The following CNBP variants were observed in gnomAD, a reference collection of about 807,000 sequenced individuals.
CNBP encodes the protein cellular nucleic acid-binding protein.
In CNBP, 6 loss-of-function variants were observed where a neutral mutation model predicts 21.2. The observed-to-expected ratio is 0.28, with a 90% CI of 0.16 to 0.56. The LOEUF (loss-of-function observed/expected upper bound fraction) is 0.56, where lower values mean the gene tolerates loss of function less well. Ranked by LOEUF, CNBP falls within the 20% of genes least tolerant of loss-of-function variation. The pLI is 0.93. For synonymous variants in CNBP, 61 were observed against 74.9 expected, an observed-to-expected ratio of 0.81 and a Z score of 0.96; for missense variants, 112 against 233.1, an observed-to-expected ratio of 0.48 and a Z score of 3.38.
intron 1 of CNBP, among the ~76,000 whole-genome samples, chr3:129,180,180 GA>G (rs530545970): frequency 0.014 from 2,082 of 145,034 alleles, 44 homozygotes; most frequent in African/African-American, 0.041. Context: ...TAGTAACTAA[GA>G]AAAAAAAAAG....
At chr3:129,175,359 A>G (rs139917814) in intron 1 of CNBP, among the ~76,000 whole-genome samples, 116 of 152,198 alleles carry the variant, frequency 7.6e-4, no homozygotes, top group Non-Finnish European at 1.0e-3. Context: ...CTATTCTGTA[A>G]AACAGATATG....
In CNBP at chr3:129,167,986, G is replaced by A. The variant is rs1412059142; in HGVS notation, c.*2467C>T. 6.6e-6 allele frequency among the ~76,000 whole-genome samples: 1 copy of A among 152,110 alleles called. No homozygotes were observed. The highest frequency in any genetic ancestry group is 2.4e-5 in the African/African-American group (1 of 41,420). On this transcript the variant is annotated 3_prime_UTR_variant, in exon 5 of 5. Coordinates refer to ENST00000422453, the MANE Select transcript of CNBP (RefSeq NM_003418.5). The stretch of plus-strand genomic sequence containing the variant: ...TCAGGACTATTAATTTGACAAGGTT[G>A]GAATGTGCACAGCACAGCTGAGACA...
At chr3:129,173,216 C>T (rs983450938) in intron 1 of CNBP, among the ~76,000 whole-genome samples, 3 of 152,126 alleles carry the variant, frequency 2.0e-5, no homozygotes, top group Admixed American at 1.3e-4. Context: ...TCAGCATTTA[C>T]ATTGTGTTAG....
At chr3:129,172,616 A>AGGCAGGCAGGCAGGCAGG (rs1560034664) in intron 1 of CNBP, among the ~76,000 whole-genome samples, 1 of 49,434 alleles carries the variant, frequency 2.0e-5, no homozygotes, top group African/African-American at 5.4e-5. Flanking sequence ...AGACAGGCAG[A>AGGCAGGCAGGCAGGCAGG]CAGGCAGCCA....
chr3:129,170,723 A>T (rs1030144230), intron 4 of CNBP, among the ~76,000 whole-genome samples, 153 bp from the exon 5 acceptor site: 1 of 152,252 alleles, frequency 6.6e-6, no homozygotes. Context: ...CATTTATCAA[A>T]TTATACACTT....
Position 129,170,273 on chromosome 3 carries a change from T to G in CNBP, c.*180A>C, listed in dbSNP as rs1576907052. 1.7e-6 allele frequency: 1 copy of G among 605,580 alleles called. No individual in the cohort carries two copies. Among genetic ancestry groups the G allele is most frequent in the Middle Eastern group, 3.8e-4 (1 of 2,650 alleles). 37.5% of individuals were successfully genotyped at this position (605,580 alleles called of 1,614,324 possible). Reference sequence around the variant, plus strand: ...ACCTCTACCAAACTAAACATAAACTTTTTTTGTAGTTAAATGCAGAAAGTC... The same window carrying G: ...ACCTCTACCAAACTAAACATAAACTGTTTTTGTAGTTAAATGCAGAAAGTC... On this transcript the variant is annotated 3_prime_UTR_variant, in exon 5 of 5. Transcript: ENST00000422453.
intron 1 of CNBP, among the ~76,000 whole-genome samples, chr3:129,182,756 T>C (rs890597984): frequency 6.6e-5 from 10 of 152,190 alleles, no homozygotes; most frequent in Admixed American, 5.9e-4. Flanking sequence ...ACTCTTGGAA[T>C]GTGAGCCCCA....
chr3:129,172,695 GACACACACACACACACAC>G (rs1553787467), intron 1 of CNBP, among the ~76,000 whole-genome samples: 1 of 78,814 alleles, frequency 1.3e-5, no homozygotes, highest in Non-Finnish European at 2.6e-5. Context: ...CAGACAGACA[GACACACACACACACACAC>G]ACACACACAC....
intron 1 of CNBP, among the ~76,000 whole-genome samples, chr3:129,172,569 GAGACAGAC>G (rs879382497): frequency 6.8e-6 from 1 of 147,928 alleles, no homozygotes; most frequent in Non-Finnish European, 1.5e-5. Context: ...GGGACAAAGT[GAGACAGAC>G]AGGCAGGCAG....
Position 129,170,260 on chromosome 3 carries a change from C to T in CNBP, c.*193G>A, listed in dbSNP as rs1006580255. The stretch of plus-strand genomic sequence containing the variant: ...CATTATACATAACACCTCTACCAAA[C>T]TAAACATAAACTTTTTTTGTAGTTA... On this transcript the variant is annotated 3_prime_UTR_variant, in exon 5 of 5. Transcript: ENST00000422453. 3.4e-6 allele frequency: 2 copies of T among 591,516 alleles called. No homozygotes were observed. The highest frequency in any genetic ancestry group is 6.0e-6 in the Non-Finnish European group (2 of 330,814). 36.6% of individuals were successfully genotyped at this position (591,516 alleles called of 1,614,324 possible).
At chr3:129,178,229 A>G (rs1938056529) in intron 1 of CNBP, among the ~76,000 whole-genome samples, 1 of 152,070 alleles carries the variant, frequency 6.6e-6, no homozygotes, top group Non-Finnish European at 1.5e-5. Flanking sequence ...TGTATGCTAA[A>G]CTAAGAGGTG....
intron 4 of CNBP, 51 bp from the exon 5 acceptor site, chr3:129,170,621 T>A: frequency 7.0e-7 from 1 of 1,432,944 alleles, no homozygotes; most frequent in Non-Finnish European, 9.9e-7. Flanking sequence ...AAAAACTGTC[T>A]ACCAAAGCAA....
In CNBP at chr3:129,168,507, G is replaced by GA. The variant is rs1232386824; in HGVS notation, c.*1945dup. On this transcript the variant is annotated 3_prime_UTR_variant, in exon 5 of 5. Coordinates refer to ENST00000422453, the MANE Select transcript of CNBP (RefSeq NM_003418.5). ...AGCTATTTGGGAGGCTGAGGCAGGA[G>GA]AATTACTTGAACGGGGTGTGGGGGT... Among the ~76,000 whole-genome samples, 3 of 121,448 alleles carry GA rather than the reference G, an allele frequency of 2.5e-5. No individual in the cohort carries two copies. The highest frequency in any genetic ancestry group is 9.2e-5 in the African/African-American group (3 of 32,536). 79.7% of individuals were successfully genotyped at this position (121,448 alleles called of 152,430 possible). A position where few individuals can be genotyped will look rare whatever the true frequency, so the allele number is the denominator to read the frequency against.
chr3:129,170,211 C>T lies in CNBP; in HGVS notation c.*242G>A, dbSNP rs181536071. On this transcript the variant is annotated 3_prime_UTR_variant, in exon 5 of 5. Coordinates refer to ENST00000422453, the MANE Select transcript of CNBP (RefSeq NM_003418.5). ...CATCAATCCCTATTCACCAGTGGCA[C>T]GGAAAGGGGGTTCTTTAACAAAGCA... is the stretch of plus-strand genomic sequence containing the variant. The T allele has an allele frequency of 2.2e-5, 10 of 464,898 alleles. No individual in the cohort carries two copies. The highest frequency in any genetic ancestry group is 5.8e-4 in the Middle Eastern group (1 of 1,714). The allele number at this position is 464,898 out of a possible 1,614,324, so 28.8% of individuals were successfully genotyped here.
rs371362741 is a variant in CNBP at position 129,171,196 on chromosome 3, T to C, written c.299A>G (p.Asn100Ser). The C allele has an allele frequency of 4.3e-6, 7 of 1,614,276 alleles. No individual in the cohort carries two copies. Among genetic ancestry groups the C allele is most frequent in the East Asian group, 2.2e-5 (1 of 44,896 alleles). The change falls in exon 4 of 5, where the codon AAC becomes AGC. Residue 100 changes from asparagine to serine, a missense_variant. Physicochemically the swap from Asn to Ser is conservative, Grantham distance 46. Coordinates refer to ENST00000422453, the MANE Select transcript of CNBP (RefSeq NM_003418.5). ...PKREREQCCY[N>S]CGKPGHLARD... ...AGCCAGATGGCCTGGTTTGCCACAGTTGTAGCAGCATTGCTCTCGCTCTCT... is the reference window on the plus strand; with the variant it reads ...AGCCAGATGGCCTGGTTTGCCACAGCTGTAGCAGCATTGCTCTCGCTCTCT...
intron 1 of CNBP, among the ~76,000 whole-genome samples, chr3:129,181,080 A>G (rs1021956870): frequency 1.3e-5 from 2 of 151,470 alleles, no homozygotes; most frequent in Non-Finnish European, 2.9e-5. Context: ...TCTCTACAAA[A>G]AATACAAAAA....
intron 1 of CNBP, among the ~76,000 whole-genome samples, chr3:129,173,101 C>A (rs78640915): frequency 1.3e-5 from 2 of 152,278 alleles, no homozygotes; most frequent in East Asian, 3.9e-4. Flanking sequence ...TGGCTTCAAC[C>A]AACCTTGGAA....
intron 1 of CNBP, among the ~76,000 whole-genome samples, chr3:129,173,515 A>T (rs1468658281): frequency 6.6e-6 from 1 of 152,170 alleles, no homozygotes; most frequent in Non-Finnish European, 1.5e-5. Context: ...CTGTAATGTA[A>T]TTTTACATTT....
intron 1 of CNBP, among the ~76,000 whole-genome samples, chr3:129,174,349 TAAAAAA>T (rs56752888): frequency 2.7e-4 from 17 of 63,160 alleles, no homozygotes; most frequent in Admixed American, 1.2e-3. Context: ...GAGTCAGAAT[TAAAAAA>T]AAAAAAAAAA....
Sources: gnomAD v4.1 joint callset for allele counts (sites outside exome capture counted in the v4.1 genomes callset) on GRCh38, gnomAD v4.1.1 for gene constraint, MANE v1.5 for transcripts, NCBI Gene and HGNC (gene_info 2026-07-23, HGNC 2026-07-21) for gene names.